PBX4: variants seen among roughly 807,000 people sequenced by gnomAD.
The protein encoded by PBX4 is pre-B-cell leukemia transcription factor 4.
PBX4 carries 26 observed loss-of-function variants against 35.1 expected under a neutral mutation model. The observed-to-expected ratio is 0.74, with a 90% CI of 0.54 to 1.03. PBX4 has a LOEUF of 1.03. PBX4 is among the 50% of genes least tolerant of loss of function. PBX4 has a pLI of 0.00. For missense variants in PBX4, 448 were observed against 504.3 expected (o/e 0.89, Z 1.07); for synonymous variants, 199 against 204.2 (o/e 0.97, Z 0.22).
chr19:19,602,968 A>C (rs977477912), intron 1 of PBX4, among the ~76,000 whole-genome samples: 2 of 152,138 alleles, frequency 1.3e-5, no homozygotes, highest in African/African-American at 2.4e-5. Context: ...CCAACTAGAG[A>C]CCACTCCTCT....
In PBX4 at chr19:19,570,724, T is replaced by A. The variant is rs2061377281; in HGVS notation, c.303A>T (p.Arg101Ser). Residue 101 changes from arginine to serine, a missense_variant, in exon 3 of 8, where the codon AGA becomes AGT. By Grantham distance (110) the Arg-to-Ser change is moderately radical (BLOSUM62 -1). Coordinates refer to ENST00000251203, the MANE Select transcript of PBX4 (RefSeq NM_025245.3). ...TGCCGGCCCTGGCCACCGCTCCTCCTCTTCCTCTCTTCTCGGGCCTGCACA... is the reference window on the plus strand; with the variant it reads ...TGCCGGCCCTGGCCACCGCTCCTCCACTTCCTCTCTTCTCGGGCCTGCACA... ...EGVCRPEKRG[R>S]GGAVARAGTA... The A allele has an allele frequency of 2.5e-6, 4 of 1,614,054 alleles. No homozygotes were observed. The highest frequency in any genetic ancestry group is 3.3e-5 in the Admixed American group (2 of 59,990).
chr19:19,589,460 A>G (rs1205677617), intron 2 of PBX4, among the ~76,000 whole-genome samples: 1 of 151,452 alleles, frequency 6.6e-6, no homozygotes, highest in African/African-American at 2.4e-5. Flanking sequence ...AACTAAAGAC[A>G]AAGAAAAAGA....
At chr19:19,582,822 C>A (rs1251367741) in intron 2 of PBX4, among the ~76,000 whole-genome samples, 1 of 152,208 alleles carries the variant, frequency 6.6e-6, no homozygotes, top group Non-Finnish European at 1.5e-5. Flanking sequence ...TAAGACGCTG[C>A]GCTGCTGCTG....
At chr19:19,603,870 T>C (rs1424338867) in intron 1 of PBX4, among the ~76,000 whole-genome samples, 1 of 151,464 alleles carries the variant, frequency 6.6e-6, no homozygotes, top group Non-Finnish European at 1.5e-5. Context: ...GGCAGGATAA[T>C]TTAATTGCTT....
intron 2 of PBX4, chr19:19,588,382 C>T (rs757389422): frequency 1.5e-5 from 20 of 1,348,016 alleles, no homozygotes; most frequent in Admixed American, 5.1e-5. Flanking sequence ...AGCCTGCTTG[C>T]GGCAAAAGAT....
chr19:19,598,574 G>A (rs2061574957), intron 2 of PBX4, among the ~76,000 whole-genome samples: 1 of 152,036 alleles, frequency 6.6e-6, no homozygotes, highest in Admixed American at 6.6e-5. Context: ...GGGACTACAG[G>A]TATGAGCCAC....
In PBX4 at chr19:19,588,507, G is replaced by C. The variant is rs187986559; in HGVS notation, c.193+10785C>G. On this transcript the variant is annotated intron_variant, in intron 2 of 7. Coordinates refer to ENST00000251203, the MANE Select transcript of PBX4 (RefSeq NM_025245.3). ...TTGGCCAGGCTGGTCTCGAACTCCTGACCTCGTGATCTACCCGCCTCACCC... is the reference window on the plus strand; with the variant it reads ...TTGGCCAGGCTGGTCTCGAACTCCTCACCTCGTGATCTACCCGCCTCACCC... 6 of 564,190 alleles carry C rather than the reference G, an allele frequency of 1.1e-5. No homozygotes were observed. In the East Asian group the frequency reaches 2.7e-4, roughly 25 times the overall value. 34.9% of individuals were successfully genotyped at this position (564,190 alleles called of 1,614,324 possible).
At chr19:19,570,355 G>A in intron 3 of PBX4, 56 bp from the exon 4 acceptor site, 1 of 1,541,690 alleles carries the variant, frequency 6.5e-7, no homozygotes, top group Non-Finnish European at 8.8e-7. Context: ...GTGGCACAGG[G>A]CAGCAGGTTC....
chr19:19,596,112 C>G (rs1045761775), intron 2 of PBX4, among the ~76,000 whole-genome samples: 1 of 151,926 alleles, frequency 6.6e-6, no homozygotes, highest in African/African-American at 2.4e-5. Context: ...TAAAAATAAG[C>G]TGGGTGCGGT....
intron 1 of PBX4, among the ~76,000 whole-genome samples, chr19:19,612,260 G>C (rs896201284): frequency 2.6e-5 from 4 of 152,076 alleles, no homozygotes; most frequent in Non-Finnish European, 5.9e-5. Flanking sequence ...GAGGGCAACA[G>C]AGTGAGACTC....
chr19:19,583,044 G>A (rs1377023838), intron 2 of PBX4, among the ~76,000 whole-genome samples: 1 of 152,246 alleles, frequency 6.6e-6, no homozygotes, highest in African/African-American at 2.4e-5. Flanking sequence ...GTGGCCAGGC[G>A]CGGTGGCTCA....
At chr19:19,606,030 C>T (rs988639671) in intron 1 of PBX4, among the ~76,000 whole-genome samples, 2 of 152,146 alleles carry the variant, frequency 1.3e-5, no homozygotes, top group African/African-American at 4.8e-5. Flanking sequence ...TGCTGCAAAT[C>T]AGTGAGGAAA....
At chr19:19,602,345 G>A (rs1179425540) in intron 1 of PBX4, among the ~76,000 whole-genome samples, 2 of 152,198 alleles carry the variant, frequency 1.3e-5, no homozygotes, top group East Asian at 1.9e-4. Flanking sequence ...AGAATGTGGA[G>A]GTGAGGAGGA....
intron 2 of PBX4, among the ~76,000 whole-genome samples, chr19:19,577,790 C>A (rs1006091259): frequency 6.6e-6 from 1 of 151,358 alleles, no homozygotes; most frequent in African/African-American, 2.4e-5. Flanking sequence ...AACTGTGAGG[C>A]AGAGGTTGCA....
intron 5 of PBX4, among the ~76,000 whole-genome samples, chr19:19,567,712 T>C (rs1419299860): frequency 6.6e-6 from 1 of 152,120 alleles, no homozygotes; most frequent in Non-Finnish European, 1.5e-5. Context: ...GGTCTTAGTG[T>C]CTCCCTCTTT....
At position 19,569,573 on chromosome 19, in the gene PBX4, CGCCGCTTGCGCCTGCAAAAACA is replaced by C; in HGVS notation, c.633-11_643del. 6.2e-7 allele frequency: 1 copy of C among 1,613,124 alleles called. No individual in the cohort carries two copies. Among genetic ancestry groups the C allele is most frequent in the Admixed American group, 1.7e-5 (1 of 59,834 alleles). On this transcript the variant is annotated splice_acceptor_variant and splice_polypyrimidine_tract_variant and coding_sequence_variant and intron_variant, in exon 5 of 8. Transcript: ENST00000251203. LOFTEE classifies it high-confidence loss of function. The stretch of plus-strand genomic sequence containing the variant: ...TTCCGTCGCCTGCTTGCTGAAATTC[CGCCGCTTGCGCCTGCAAAAACA>C]GCCGCCTTCGTAGGCATTAATATGC...
chr19:19,604,908 CT>C (rs1303158740), intron 1 of PBX4, among the ~76,000 whole-genome samples: 2 of 151,896 alleles, frequency 1.3e-5, no homozygotes, highest in Non-Finnish European at 2.9e-5. Flanking sequence ...CCATGTTAGT[CT>C]TTCTTATAAG....
At chr19:19,596,362 G>GAATAAATA (rs58051660) in intron 2 of PBX4, among the ~76,000 whole-genome samples, 72,203 of 148,734 alleles carry the variant, frequency 0.49, 17,893 homozygotes, top group East Asian at 0.63. Flanking sequence ...AACAGAGTGA[G>GAATAAATA]AATAAATAAA....
At position 19,565,068 on chromosome 19, in the gene PBX4, T is replaced by A; in HGVS notation, c.790A>T (p.Lys264Ter). The A allele has an allele frequency of 6.2e-7, 1 of 1,614,254 alleles. No individual in the cohort carries two copies. The highest frequency in any genetic ancestry group is 1.1e-5 in the South Asian group (1 of 91,088). ...ATGTTCTTTTTATACCGGATTCTTT[T>A]GTTGCCAAACCAGTTAGAGACCTGC... is the stretch of plus-strand genomic sequence containing the variant. ...ISQVSNWFGN[K>*]RIRYKKNMGK... Residue 264 changes from lysine (K) to a stop codon, truncating the protein, a stop_gained, in exon 6 of 8, where the codon AAA becomes TAA. Transcript: ENST00000251203. LOFTEE classifies it high-confidence loss of function.
Sources: gnomAD v4.1 joint callset for allele counts (sites outside exome capture counted in the v4.1 genomes callset) on GRCh38, gnomAD v4.1.1 for gene constraint, MANE v1.5 for transcripts, NCBI Gene and HGNC (gene_info 2026-07-23, HGNC 2026-07-21) for gene names.